PELI2: variants seen among roughly 807,000 people sequenced by gnomAD.
The protein encoded by PELI2 is pellino E3 ubiquitin protein ligase family member 2.
PELI2 carries 23 observed loss-of-function variants against 42.3 expected under a neutral mutation model. The ratio of observed to expected loss-of-function variants is 0.54; its 90% CI spans 0.39 to 0.77. The LOEUF is 0.77. PELI2 is among the 30% of genes least tolerant of loss of function. PELI2 has a pLI of 0.00. For synonymous variants in PELI2, 245 were observed against 212.2 expected (o/e 1.15, Z -1.34); for missense variants, 463 against 553.2 (o/e 0.84, Z 1.64).
intron 2 of PELI2, among the ~76,000 whole-genome samples, chr14:56,231,211 T>A (rs1405707875): frequency 6.6e-6 from 1 of 151,894 alleles, no homozygotes; most frequent in Non-Finnish European, 1.5e-5. Flanking sequence ...AGACAGAAAG[T>A]TAACAAGGAT....
rs571120812 is a variant in PELI2, at chr14:56,279,659, T to A, written c.208-17T>A. 5.4e-4 allele frequency: 779 copies of A among 1,434,470 alleles called. 4 individuals carry two copies. The South Asian group carries it at 6.6e-3, about 12-fold the overall frequency. The allele number at this position is 1,434,470 out of a possible 1,614,324, so 88.9% of individuals were successfully genotyped here. A position where few individuals can be genotyped will look rare whatever the true frequency, so the allele number is the denominator to read the frequency against. ...GAAATGGAATTGTAATGGATTTTTT[T>A]AAAATTTTATTATTAGGCTATCAGC... On this transcript the variant is annotated splice_polypyrimidine_tract_variant and intron_variant, in intron 2 of 5. Coordinates refer to ENST00000267460, the MANE Select transcript of PELI2 (RefSeq NM_021255.3).
intron 2 of PELI2, among the ~76,000 whole-genome samples, chr14:56,213,918 C>A (rs564609356): frequency 4.6e-4 from 70 of 151,996 alleles, no homozygotes; most frequent in South Asian, 8.3e-4. Context: ...GTGGCGTGAT[C>A]TCGGCTCGCT....
chr14:56,236,986 C>T (rs1359306852), intron 2 of PELI2, among the ~76,000 whole-genome samples: 1 of 152,192 alleles, frequency 6.6e-6, no homozygotes, highest in Non-Finnish European at 1.5e-5. Context: ...GATGCTCCAT[C>T]TTGGGCAGCC....
At chr14:56,242,850 G>T (rs182289178) in intron 2 of PELI2, among the ~76,000 whole-genome samples, 3 of 152,088 alleles carry the variant, frequency 2.0e-5, no homozygotes, top group East Asian at 3.9e-4. Flanking sequence ...GGGGATTCAG[G>T]GGGGAAGAGA....
intron 2 of PELI2, among the ~76,000 whole-genome samples, chr14:56,243,053 T>C (rs1480396002): frequency 6.6e-6 from 1 of 152,176 alleles, no homozygotes; most frequent in African/African-American, 2.4e-5. Flanking sequence ...CATCCGTGGC[T>C]TATTTTAAAG....
intron 2 of PELI2, among the ~76,000 whole-genome samples, chr14:56,251,482 G>C (rs1027743353): frequency 2.0e-5 from 3 of 152,200 alleles, no homozygotes; most frequent in Non-Finnish European, 4.4e-5. Flanking sequence ...CGTAGTTTCT[G>C]CTGAGTATTC....
chr14:56,168,265 C>T (rs571873246), intron 1 of PELI2, among the ~76,000 whole-genome samples: 1 of 48,460 alleles, frequency 2.1e-5, no homozygotes, highest in African/African-American at 6.5e-5. Flanking sequence ...AGCAGCGTGC[C>T]CCCCCCCAGA....
chr14:56,271,225 C>T (rs1023440912), intron 2 of PELI2, among the ~76,000 whole-genome samples: 3 of 152,170 alleles, frequency 2.0e-5, no homozygotes, highest in African/African-American at 7.2e-5. Flanking sequence ...GCCGCACGCT[C>T]GCTGTAAACT....
intron 2 of PELI2, among the ~76,000 whole-genome samples, chr14:56,263,762 G>C (rs1300992148): frequency 6.6e-6 from 1 of 152,146 alleles, no homozygotes; most frequent in Non-Finnish European, 1.5e-5. Flanking sequence ...TCTTATTAGA[G>C]AGTTAATGGG....
intron 1 of PELI2, among the ~76,000 whole-genome samples, chr14:56,151,174 G>A (rs998284650): frequency 8.5e-5 from 13 of 152,302 alleles, no homozygotes; most frequent in East Asian, 1.9e-4. Context: ...CAGCATCTTT[G>A]GTGACTTGGA....
intron 2 of PELI2, among the ~76,000 whole-genome samples, chr14:56,210,229 A>G (rs1886665804): frequency 6.6e-6 from 1 of 152,268 alleles, no homozygotes; most frequent in Admixed American, 6.5e-5. Context: ...GAGGAGGAAG[A>G]AGAGGGAAAG....
chr14:56,274,749 C>T (rs1323722431), intron 2 of PELI2, among the ~76,000 whole-genome samples: 1 of 152,152 alleles, frequency 6.6e-6, no homozygotes, highest in Non-Finnish European at 1.5e-5. Flanking sequence ...AGCAGCATAG[C>T]TGTAAGAAAA....
chr14:56,291,044 A>G (rs1889811230), intron 5 of PELI2, among the ~76,000 whole-genome samples: 1 of 152,206 alleles, frequency 6.6e-6, no homozygotes, highest in Admixed American at 6.5e-5. Context: ...CATGCCCTAA[A>G]GCAGTTTTTT....
At chr14:56,125,941 G>A (rs1176595944) in intron 1 of PELI2, among the ~76,000 whole-genome samples, 1 of 152,180 alleles carries the variant, frequency 6.6e-6, no homozygotes, top group Non-Finnish European at 1.5e-5. Flanking sequence ...CCAGGGCTTA[G>A]TGAATGTTTC....
intron 5 of PELI2, among the ~76,000 whole-genome samples, chr14:56,294,977 C>T (rs1475757700): frequency 6.6e-6 from 1 of 152,176 alleles, no homozygotes; most frequent in African/African-American, 2.4e-5. Context: ...GATTTACTCC[C>T]TCATCTGCCA....
intron 1 of PELI2, among the ~76,000 whole-genome samples, chr14:56,143,517 G>A (rs1208913276): frequency 6.6e-6 from 1 of 152,188 alleles, no homozygotes; most frequent in African/African-American, 2.4e-5. Flanking sequence ...TTTCTGTGAT[G>A]TTTGCCTAAT....
intron 1 of PELI2, among the ~76,000 whole-genome samples, chr14:56,144,736 T>C (rs1884048246): frequency 6.6e-6 from 1 of 152,228 alleles, no homozygotes; most frequent in African/African-American, 2.4e-5. Flanking sequence ...TGTAAAGACA[T>C]GATGAATGTA....
intron 2 of PELI2, among the ~76,000 whole-genome samples, chr14:56,199,371 G>A (rs147714534): frequency 7.8e-4 from 119 of 152,264 alleles, no homozygotes; most frequent in African/African-American, 2.7e-3. Flanking sequence ...GTCATTTCTC[G>A]TCTTGGTATG....
At chr14:56,121,511 CT>C (rs1883058744) in intron 1 of PELI2, among the ~76,000 whole-genome samples, 1 of 152,182 alleles carries the variant, frequency 6.6e-6, no homozygotes. Flanking sequence ...AGCCACAACT[CT>C]TTGTTGTGTC....
Sources: allele counts gnomAD v4.1 joint callset (sites outside exome capture counted in the v4.1 genomes callset), GRCh38; gene constraint gnomAD v4.1.1; transcripts MANE v1.5; gene names NCBI Gene and HGNC (gene_info 2026-07-23, HGNC 2026-07-21).